Variants in MYO1G observed in about 807,000 individuals in gnomAD.
MYO1G encodes myosin IG, also known as unconventional myosin-Ig.
In MYO1G, 65 loss-of-function variants were observed where a neutral mutation model predicts 115.3. That is an observed-to-expected ratio of 0.56 (90% CI 0.46 to 0.69). MYO1G has a LOEUF of 0.69. Ranked by LOEUF, MYO1G falls within the 30% of genes least tolerant of loss-of-function variation. The pLI, the probability that MYO1G is intolerant of heterozygous loss-of-function variation, is 0.00. For synonymous variants in MYO1G, 510 were observed against 552.6 expected, an observed-to-expected ratio of 0.92 and a Z score of 1.08; for missense variants, 1,204 against 1,393.5, an observed-to-expected ratio of 0.86 and a Z score of 2.16.
At chr7:44,967,510 C>T (rs1234747709) in intron 14 of MYO1G, 95 bp downstream of exon 14, 2 of 1,508,164 alleles carry the variant, frequency 1.3e-6, no homozygotes, top group Non-Finnish European at 1.8e-6. Flanking sequence ...CTCCCCACCA[C>T]TATGATGTAC....
Position 44,969,311 on chromosome 7 carries a change from A to G in MYO1G, c.1574+102T>C, listed in dbSNP as rs1794908169. The stretch of plus-strand genomic sequence containing the variant: ...GGGTGGGGGTGGCAGAAGTGGCCAT[A>G]ACACCTGTCTCCGAGCCACTCCCCT... On this transcript the variant is annotated intron_variant, in intron 12 of 21. Coordinates refer to ENST00000258787, the MANE Select transcript of MYO1G (RefSeq NM_033054.3). This position sits in a 1 kb window ranked among gnomAD's most constrained non-coding sequence, Gnocchi z 5.0. 6 of 1,143,554 alleles carry G rather than the reference A, an allele frequency of 5.2e-6. No individual in the cohort carries two copies. The highest frequency in any genetic ancestry group is 3.4e-5 in the Admixed American group (2 of 58,852). 70.8% of individuals were successfully genotyped at this position (1,143,554 alleles called of 1,614,324 possible).
At chr7:44,977,864 AC>A (rs1337890191) in intron 1 of MYO1G, among the ~76,000 whole-genome samples, 2 of 151,962 alleles carry the variant, frequency 1.3e-5, no homozygotes. Flanking sequence ...CTCTTTCTCC[AC>A]CACCTCTGAC....
At position 44,966,379 on chromosome 7, in the gene MYO1G, A is replaced by T; in HGVS notation, c.1950-99T>A. 9.0e-7 allele frequency: 1 copy of T among 1,113,464 alleles called. No homozygotes were observed. The highest frequency in any genetic ancestry group is 1.3e-6 in the Non-Finnish European group (1 of 763,826). 69.0% of individuals were successfully genotyped at this position (1,113,464 alleles called of 1,614,324 possible). On this transcript the variant is annotated intron_variant, in intron 15 of 21. Coordinates refer to ENST00000258787, the MANE Select transcript of MYO1G (RefSeq NM_033054.3). The surrounding 1 kb of genome is among the most constrained non-coding windows in gnomAD (Gnocchi z 5.0). ...ACCTGGGGAGATGGCAGGGATACAG[A>T]GTGTGTTCCTGGAGCACTTATGACA... is the stretch of plus-strand genomic sequence containing the variant.
In MYO1G at chr7:44,972,230, A is replaced by G. The variant is rs776142034; in HGVS notation, c.619-5T>C. On this transcript the variant is annotated splice_region_variant and splice_polypyrimidine_tract_variant and intron_variant, in intron 5 of 21. Transcript: ENST00000258787. ...GTCCTCACTGCCTCTCAGCAACTAGAGGACACAGGCATCCTTTAGACAAAT... is the reference window on the plus strand; with the variant it reads ...GTCCTCACTGCCTCTCAGCAACTAGGGGACACAGGCATCCTTTAGACAAAT... 1.2e-5 allele frequency: 20 copies of G among 1,609,430 alleles called. No individual in the cohort carries two copies. Among genetic ancestry groups the G allele is most frequent in the Non-Finnish European group, 1.7e-5 (20 of 1,175,902 alleles).
chr7:44,977,540 G>C (rs1320727412), intron 1 of MYO1G, among the ~76,000 whole-genome samples: 1 of 152,090 alleles, frequency 6.6e-6, no homozygotes, highest in Admixed American at 6.5e-5. Flanking sequence ...AGACAAAAGG[G>C]GACCCCACCC....
At position 44,976,997 on chromosome 7, in the gene MYO1G, A is replaced by G. The variant is rs1352900250; in HGVS notation, c.170T>C (p.Leu57Pro). 7.1e-5 allele frequency: 114 copies of G among 1,613,520 alleles called. No individual in the cohort carries two copies. Among genetic ancestry groups the G allele is most frequent in the Non-Finnish European group, 9.6e-5 (113 of 1,180,014 alleles). ...CCTGGCGATGGCCTCAGGCCCATAC[A>G]GGGGCAGCTCCTGGTAGGGGTTCAC... Reference protein sequence around the residue: ...VSVNPYQELPLYGPEAIARYQ... With the variant: ...VSVNPYQELPPYGPEAIARYQ... The change falls in exon 2 of 22, where the codon CTG (leucine) becomes CCG (proline). Residue 57 changes from leucine to proline, a missense_variant. Transcript: ENST00000258787.
Position 44,969,352 on chromosome 7 carries a change from C to T in MYO1G, c.1574+61G>A. The T allele has an allele frequency of 2.5e-6, 4 of 1,575,896 alleles. No homozygotes were observed. The highest frequency in any genetic ancestry group is 2.6e-6 in the Non-Finnish European group (3 of 1,145,972). On this transcript the variant is annotated intron_variant, in intron 12 of 21. Transcript: ENST00000258787. The surrounding 1 kb of genome is among the most constrained non-coding windows in gnomAD (Gnocchi z 5.0). Reference sequence around the variant, plus strand: ...CCACTCCCCTGAAGCGCTCCTGCCCCATGACACATGCCATGGTGCCTGTGG... The same window carrying T: ...CCACTCCCCTGAAGCGCTCCTGCCCTATGACACATGCCATGGTGCCTGTGG...
In MYO1G at chr7:44,966,706, C is replaced by T. The variant is rs773455064; in HGVS notation, c.1915G>A (p.Ala639Thr). 3.0e-5 allele frequency: 48 copies of T among 1,613,032 alleles called. No individual in the cohort carries two copies. In the Middle Eastern group the frequency reaches 1.3e-3, roughly 44 times the overall value. ...ENVRVRRAGF[A>T]SRQPYSRFLL... Reference sequence around the variant, plus strand: ...AATCGAGAGTAGGGCTGGCGGGAAGCGAAGCCAGCCCTGCGGACCCTCACA... The same window carrying T: ...AATCGAGAGTAGGGCTGGCGGGAAGTGAAGCCAGCCCTGCGGACCCTCACA... Residue 639 changes from alanine to threonine, a missense_variant, in exon 15 of 22, where the codon GCT (alanine) becomes ACT (threonine). Physicochemically the swap from Ala to Thr is moderately conservative, Grantham distance 58. Coordinates refer to ENST00000258787, the MANE Select transcript of MYO1G (RefSeq NM_033054.3). This position sits in a 1 kb window ranked among gnomAD's most constrained non-coding sequence, Gnocchi z 5.0.
At chr7:44,967,850 GC>G (rs1794875628) in intron 13 of MYO1G, 33 bp downstream of exon 13, 1 of 1,613,272 alleles carries the variant, frequency 6.2e-7, no homozygotes, top group Admixed American at 1.7e-5. Flanking sequence ...CAGGGCCCTG[GC>G]CCTCCCTATG....
At position 44,966,667 on chromosome 7, in the gene MYO1G, A is replaced by C; in HGVS notation, c.1949+5T>G. On this transcript the variant is annotated splice_donor_5th_base_variant and intron_variant, in intron 15 of 21. Transcript: ENST00000258787. This position sits in a 1 kb window ranked among gnomAD's most constrained non-coding sequence, Gnocchi z 5.0. The stretch of plus-strand genomic sequence containing the variant: ...CATGGAGTGATGGGTGTCAGGTGCC[A>C]GTACCTGAGCAGGAATCGAGAGTAG... 6.2e-7 allele frequency: 1 copy of C among 1,613,064 alleles called. No homozygotes were observed. Among genetic ancestry groups the C allele is most frequent in the Non-Finnish European group, 8.5e-7 (1 of 1,179,964 alleles).
chr7:44,970,742 G>A lies in MYO1G; in HGVS notation c.1072-5C>T, dbSNP rs374979687. 46 of 1,613,796 alleles carry A rather than the reference G, an allele frequency of 2.9e-5. No homozygotes were observed. Among genetic ancestry groups the A allele is most frequent in the Non-Finnish European group, 3.7e-5 (44 of 1,180,000 alleles). On this transcript the variant is annotated splice_polypyrimidine_tract_variant and splice_region_variant and intron_variant, in intron 8 of 21. Coordinates refer to ENST00000258787, the MANE Select transcript of MYO1G (RefSeq NM_033054.3). ...AAACAGCCGCTGGTACACTGCCTGG[G>A]GGATAGGAACACCCTGCTTCCTGCT...
rs1167224794 is a variant in MYO1G at position 44,971,062 on chromosome 7, GGT to G, written c.847-5_847-4del. 3.7e-6 allele frequency: 6 copies of G among 1,607,042 alleles called. No individual in the cohort carries two copies. The highest frequency in any genetic ancestry group is 5.1e-6 in the Non-Finnish European group (6 of 1,177,400). On this transcript the variant is annotated splice_polypyrimidine_tract_variant and splice_region_variant and intron_variant, in intron 7 of 21. Coordinates refer to ENST00000258787, the MANE Select transcript of MYO1G (RefSeq NM_033054.3). ...GTCTCCACAAACTCGATGTTTCCCT[GGT>G]GATGGGAAAACCATGAACAGTCCGG...
chr7:44,976,807 C>T (rs1795057197), intron 2 of MYO1G, 56 bp downstream of exon 2: 1 of 1,597,950 alleles, frequency 6.3e-7, no homozygotes, highest in Non-Finnish European at 8.5e-7. Context: ...ATGGCCCTCC[C>T]AAATGTTCAC....
chr7:44,964,602 CA>C lies in MYO1G; in HGVS notation c.2527-84del. ...CAATTGATAGCAGCTGTCTGTGAAT[CA>C]GCATAGCTATCCTTCATCTCGGGAA... is the stretch of plus-strand genomic sequence containing the variant. On this transcript the variant is annotated intron_variant, in intron 18 of 21. Transcript: ENST00000258787. This position sits in a 1 kb window ranked among gnomAD's most constrained non-coding sequence, Gnocchi z 5.1. The C allele has an allele frequency of 8.9e-7, 1 of 1,120,220 alleles. No individual in the cohort carries two copies. Among genetic ancestry groups the C allele is most frequent in the Non-Finnish European group, 1.4e-6 (1 of 734,964 alleles). 69.4% of individuals were successfully genotyped at this position (1,120,220 alleles called of 1,614,324 possible).
At position 44,969,900 on chromosome 7, in the gene MYO1G, A is replaced by G; in HGVS notation, c.1333-25T>C. 8 of 1,592,760 alleles carry G rather than the reference A, an allele frequency of 5.0e-6. No homozygotes were observed. Among genetic ancestry groups the G allele is most frequent in the Non-Finnish European group, 6.0e-6 (7 of 1,168,478 alleles). ...CCTGGGGCAAAGGCAGCCAGCAAGG[A>G]AGCTCCCAAGGTCTTTCAGGCCACC... On this transcript the variant is annotated intron_variant, in intron 10 of 21. Transcript: ENST00000258787. The surrounding 1 kb of genome is among the most constrained non-coding windows in gnomAD (Gnocchi z 5.0).
Position 44,968,019 on chromosome 7 carries a change from T to C in MYO1G, c.1575-61A>G. 4 of 1,413,992 alleles carry C rather than the reference T, an allele frequency of 2.8e-6. No homozygotes were observed. The South Asian group carries it at 4.7e-5, about 16-fold the overall frequency. The allele number at this position is 1,413,992 out of a possible 1,614,324, so 87.6% of individuals were successfully genotyped here. A position where few individuals can be genotyped will look rare whatever the true frequency, so the allele number is the denominator to read the frequency against. On this transcript the variant is annotated intron_variant, in intron 12 of 21. Coordinates refer to ENST00000258787, the MANE Select transcript of MYO1G (RefSeq NM_033054.3). ...GGGGGCTGCCAGGCCAGAGTGCTAATGACCCCAGCAGCCCCCACTCTCTTC... is the reference window on the plus strand; with the variant it reads ...GGGGGCTGCCAGGCCAGAGTGCTAACGACCCCAGCAGCCCCCACTCTCTTC...
At chr7:44,968,026 A>G in intron 12 of MYO1G, 68 bp from the exon 13 acceptor site, 1 of 1,311,500 alleles carries the variant, frequency 7.6e-7, no homozygotes, top group Non-Finnish European at 1.1e-6. Flanking sequence ...TAATGACCCC[A>G]GCAGCCCCCA....
Position 44,969,143 on chromosome 7 carries a change from A to C in MYO1G, c.1574+270T>G. On this transcript the variant is annotated intron_variant, in intron 12 of 21. Transcript: ENST00000258787. The surrounding 1 kb of genome is among the most constrained non-coding windows in gnomAD (Gnocchi z 5.0). ...AGCCCCCCACCCCACAGATGCTGGT[A>C]TAGGGTTGGGCCCAGACATGAGACG... 1 of 334,100 alleles carries C rather than the reference A, an allele frequency of 3.0e-6. No homozygotes were observed. Among genetic ancestry groups the C allele is most frequent in the Non-Finnish European group, 5.8e-6 (1 of 172,574 alleles). The allele number at this position is 334,100 out of a possible 1,614,324, so 20.7% of individuals were successfully genotyped here. A position where few individuals can be genotyped will look rare whatever the true frequency, so the allele number is the denominator to read the frequency against.
At chr7:44,978,725 C>G in intron 1 of MYO1G, 142 bp downstream of exon 1, 1 of 702,682 alleles carries the variant, frequency 1.4e-6, no homozygotes, top group Non-Finnish European at 2.4e-6. Context: ...CTCATTTCAG[C>G]CCCATCTGGT....
Sources: allele counts gnomAD v4.1 joint callset (sites outside exome capture counted in the v4.1 genomes callset), GRCh38; gene constraint gnomAD v4.1.1; non-coding constraint Gnocchi (gnomAD v3.1); transcripts MANE v1.5; gene names NCBI Gene and HGNC (gene_info 2026-07-23, HGNC 2026-07-21).